The following ALG9 variants were observed in gnomAD, a reference collection of about 807,000 sequenced individuals.
ALG9 encodes ALG9 alpha-1,2-mannosyltransferase.
Under a neutral mutation model 81.8 loss-of-function variants are expected in ALG9, and 55 were observed. The ratio of observed to expected loss-of-function variants is 0.67; its 90% confidence interval spans 0.54 to 0.84. ALG9 has a LOEUF of 0.84. Ranked by LOEUF, ALG9 falls within the 40% of genes least tolerant of loss-of-function variation. The pLI, the probability that ALG9 is intolerant of heterozygous loss-of-function variation, is 0.00. For synonymous variants in ALG9, 278 were observed against 274.3 expected, an observed-to-expected ratio of 1.01 and a Z score of -0.13; for missense variants, 629 against 745.0, an observed-to-expected ratio of 0.84 and a Z score of 1.81.
chr11:111,844,012 A>AT (rs1175415514), intron 9 of ALG9, among the ~76,000 whole-genome samples: 1 of 151,938 alleles, frequency 6.6e-6, no homozygotes, highest in Non-Finnish European at 1.5e-5. Flanking sequence ...CTCTTCTGAG[A>AT]TTTTTTTTGA....
intron 14 of ALG9, chr11:111,805,148 G>A: frequency 2.5e-6 from 1 of 404,950 alleles, no homozygotes; most frequent in Non-Finnish European, 4.9e-6. Flanking sequence ...TCAAAAGAGT[G>A]GAGCACTCAA....
chr11:111,828,473 G>A (rs1029414944), intron 13 of ALG9, among the ~76,000 whole-genome samples: 2 of 152,186 alleles, frequency 1.3e-5, no homozygotes, highest in Non-Finnish European at 2.9e-5. Flanking sequence ...AACAAAAAGC[G>A]TTCCTTGGAG....
chr11:111,821,937 C>A (rs1555104240), intron 13 of ALG9, among the ~76,000 whole-genome samples: 3 of 152,104 alleles, frequency 2.0e-5, no homozygotes, highest in African/African-American at 7.2e-5. Context: ...CCCGGCTACC[C>A]AGGCTTCTCT....
chr11:111,856,436 C>A (rs1958696323), intron 6 of ALG9, among the ~76,000 whole-genome samples: 1 of 151,470 alleles, frequency 6.6e-6, no homozygotes, highest in South Asian at 2.1e-4. Context: ...ATGTAGAATA[C>A]CTATATATAT....
At chr11:111,777,940 C>T (rs529150198), downstream of ALG9, among the ~76,000 whole-genome samples, 4 of 152,294 alleles carry the variant, frequency 2.6e-5, no homozygotes, top group East Asian at 1.9e-4. Context: ...CCTTTGCTCT[C>T]GTGTCTGAGG....
At chr11:111,819,077 T>A (rs572740741) in intron 13 of ALG9, among the ~76,000 whole-genome samples, 11 of 152,168 alleles carry the variant, frequency 7.2e-5, no homozygotes, top group Non-Finnish European at 1.5e-4. Flanking sequence ...ACAGAAACAC[T>A]ATGGGGATCT....
At chr11:111,790,664 G>GA (rs1374309764) in intron 14 of ALG9, among the ~76,000 whole-genome samples, 9 of 151,960 alleles carry the variant, frequency 5.9e-5, no homozygotes, top group Admixed American at 2.0e-4. Flanking sequence ...AATTCCACAG[G>GA]AAAAAATGAC....
chr11:111,820,190 A>C (rs1452569997), intron 13 of ALG9, among the ~76,000 whole-genome samples: 2 of 152,236 alleles, frequency 1.3e-5, no homozygotes, highest in Non-Finnish European at 2.9e-5. Context: ...TACAGAATCC[A>C]AAGGAAATAA....
chr11:111,809,888 T>C (rs1950459859), intron 13 of ALG9, 115 bp from the exon 14 acceptor site: 1 of 1,223,052 alleles, frequency 8.2e-7, no homozygotes. Context: ...AACATCCAAG[T>C]CTTCAGACAA....
chr11:111,768,842 C>CGTGT, the ALG9 span: 11,650 of 143,100 alleles, frequency 0.081, 621 homozygotes, highest in Middle Eastern at 0.14. Flanking sequence ...TGTGTGTGTG[C>CGTGT]GTGTGTGTGT....
At chr11:111,849,897 A>C (rs1463603175) in intron 8 of ALG9, 1 of 152,236 alleles carries the variant, frequency 6.6e-6, no homozygotes, top group Non-Finnish European at 1.5e-5. Flanking sequence ...TGCTTAACAT[A>C]GCTAATGAGG....
intron 13 of ALG9, among the ~76,000 whole-genome samples, chr11:111,829,979 G>A (rs926586107): frequency 6.6e-6 from 1 of 152,164 alleles, no homozygotes; most frequent in Non-Finnish European, 1.5e-5. Flanking sequence ...ATAGGTAATG[G>A]GATAAGCTAA....
Position 111,809,624 on chromosome 11 carries a change from T to C in ALG9, c.1733+19A>G, listed in dbSNP as rs1052513792. ...CCCATACTAGTCCTGGAATATCCCA[T>C]AGGATTAAAGCCACATACCTAGAAG... On this transcript the variant is annotated intron_variant, in intron 14 of 14. Coordinates refer to ENST00000616540, the MANE Select transcript of ALG9 (RefSeq NM_024740.2). 4.3e-6 allele frequency: 7 copies of C among 1,613,542 alleles called. No individual in the cohort carries two copies. Among genetic ancestry groups the C allele is most frequent in the Middle Eastern group, 1.6e-4 (1 of 6,080 alleles).
intron 13 of ALG9, among the ~76,000 whole-genome samples, chr11:111,816,617 T>C (rs1485655713): frequency 2.0e-5 from 3 of 151,534 alleles, no homozygotes; most frequent in Non-Finnish European, 2.9e-5. Flanking sequence ...AGTGCAATGA[T>C]GTGATCATAA....
At chr11:111,779,327 TAC>T (rs1945799367), downstream of ALG9, among the ~76,000 whole-genome samples, 3 of 152,038 alleles carry the variant, frequency 2.0e-5, no homozygotes, top group Non-Finnish European at 4.4e-5. Context: ...ACTTGTCAAA[TAC>T]AGTTTGTGCG....
intron 14 of ALG9, among the ~76,000 whole-genome samples, chr11:111,809,387 G>A (rs1052468121): frequency 6.6e-5 from 10 of 151,976 alleles, no homozygotes; most frequent in South Asian, 2.1e-4. Context: ...AAAATTAGCC[G>A]GGCATGGTGG....
chr11:111,787,912 T>C (rs1555066704), intron 14 of ALG9, among the ~76,000 whole-genome samples: 1 of 152,230 alleles, frequency 6.6e-6, no homozygotes, highest in Non-Finnish European at 1.5e-5. Flanking sequence ...AGAGGCCTCA[T>C]TCAAATCCAG....
intron 13 of ALG9, among the ~76,000 whole-genome samples, chr11:111,827,982 G>A (rs190160613): frequency 1.4e-3 from 217 of 151,666 alleles, no homozygotes; most frequent in African/African-American, 4.9e-3. Flanking sequence ...GACGTCAGGC[G>A]TTTGAGACCA....
chr11:111,870,082 G>T, intron 2 of ALG9, 150 bp downstream of exon 2: 1 of 956,310 alleles, frequency 1.0e-6, no homozygotes, highest in East Asian at 3.3e-5. Context: ...AAAGTGCTGG[G>T]ATTATAGGCC....
Sources: allele counts gnomAD v4.1 joint callset (sites outside exome capture counted in the v4.1 genomes callset), GRCh38; gene constraint gnomAD v4.1.1; transcripts MANE v1.5; gene names NCBI Gene and HGNC (gene_info 2026-07-23, HGNC 2026-07-21).